The following PRUNE2 variants were observed in gnomAD, a reference collection of about 807,000 sequenced individuals.
The protein encoded by PRUNE2 is prune homolog 2 with BCH domain.
Under a neutral mutation model 252.0 loss-of-function variants are expected in PRUNE2, and 164 were observed. The observed-to-expected ratio is 0.65, with a 90% CI of 0.57 to 0.74. PRUNE2 has a LOEUF of 0.74. PRUNE2 is among the 30% of genes least tolerant of loss of function. PRUNE2 has a pLI of 0.00. For missense variants in PRUNE2, 3,495 were observed against 3,711.0 expected (o/e 0.94, Z 1.51); for synonymous variants, 1,292 against 1,350.2 (o/e 0.96, Z 0.94).
intron 1 of PRUNE2, among the ~76,000 whole-genome samples, chr9:76,876,028 T>A (rs1011993397): frequency 6.6e-6 from 1 of 152,282 alleles, no homozygotes; most frequent in Non-Finnish European, 1.5e-5. Flanking sequence ...CGCACAAACA[T>A]TTAAGAATCA....
intron 4 of PRUNE2, among the ~76,000 whole-genome samples, chr9:76,828,037 C>G (rs1027136835): frequency 1.3e-5 from 2 of 152,170 alleles, no homozygotes; most frequent in Non-Finnish European, 2.9e-5. Flanking sequence ...CCTCTTGAAG[C>G]TCACGGGAGA....
chr9:76,677,020 TA>T (rs2042712107), intron 9 of PRUNE2, among the ~76,000 whole-genome samples: 1 of 152,256 alleles, frequency 6.6e-6, no homozygotes, highest in Non-Finnish European at 1.5e-5. Context: ...GTGGGTATTT[TA>T]AAATAAATAA....
At chr9:76,713,425 TA>T in intron 7 of PRUNE2, 137 bp downstream of exon 7, 1 of 539,184 alleles carries the variant, frequency 1.9e-6, no homozygotes, top group Non-Finnish European at 3.0e-6. Context: ...CATCATTTCC[TA>T]AAACTCAAAC....
rs537137109 is a variant in PRUNE2 at position 76,787,956 on chromosome 9, C to G, written c.756+35676G>C. Among the ~76,000 whole-genome samples the G allele has an allele frequency of 8.9e-4, 136 of 152,328 alleles. 1 individual carries two copies. Among genetic ancestry groups the G allele is most frequent in the African/African-American group, 3.2e-3 (131 of 41,584 alleles). Reference sequence around the variant, plus strand: ...CTCCATGGTCACCAAGCGTTCCTTCCCACACATGGCCTCGGAACATTCCCT... The same window carrying G: ...CTCCATGGTCACCAAGCGTTCCTTCGCACACATGGCCTCGGAACATTCCCT... On this transcript the variant is annotated intron_variant, in intron 6 of 18. Coordinates refer to ENST00000376718, the MANE Select transcript of PRUNE2 (RefSeq NM_015225.3).
At chr9:76,693,460 T>TTTTTTTTTTGG in intron 9 of PRUNE2, among the ~76,000 whole-genome samples, 1 of 106,336 alleles carries the variant, frequency 9.4e-6, no homozygotes, top group Non-Finnish European at 2.0e-5. Context: ...TTTTTTTTTT[T>TTTTTTTTTTGG]GGAGACGGAG....
chr9:76,707,318 A>C lies in PRUNE2; in HGVS notation c.4956T>G (p.His1652Gln). Residue 1652 changes from histidine to glutamine, a missense_variant, in exon 8 of 19, where the codon CAT (histidine) becomes CAG (glutamine). Physicochemically the swap from His to Gln is conservative, Grantham distance 24. Coordinates refer to ENST00000376718, the MANE Select transcript of PRUNE2 (RefSeq NM_015225.3). ...TGKYSEHSGT[H>Q]QESNLIASYQ... ...AGCTAGCAATTAGATTGCTTTCCTG[A>C]TGTGTCCCTGAATGTTCAGAATATT... 6.2e-7 allele frequency: 1 copy of C among 1,613,896 alleles called. No homozygotes were observed. The highest frequency in any genetic ancestry group is 1.1e-5 in the South Asian group (1 of 91,064).
intron 6 of PRUNE2, among the ~76,000 whole-genome samples, chr9:76,765,951 G>C (rs2052324850): frequency 6.6e-6 from 1 of 152,124 alleles, no homozygotes; most frequent in Non-Finnish European, 1.5e-5. Flanking sequence ...GGGAGGCCAA[G>C]GCAGGCTGAT....
At chr9:76,661,769 A>C (rs1293186213) in intron 9 of PRUNE2, among the ~76,000 whole-genome samples, 1 of 152,240 alleles carries the variant, frequency 6.6e-6, no homozygotes, top group Non-Finnish European at 1.5e-5. Flanking sequence ...ACCTCTCAAG[A>C]ATTTATAAAT....
At chr9:76,802,210 T>C (rs150212129) in intron 6 of PRUNE2, among the ~76,000 whole-genome samples, 37 of 152,302 alleles carry the variant, frequency 2.4e-4, no homozygotes, top group Non-Finnish European at 1.5e-5. Context: ...TGCACATTAG[T>C]AACACACCAT....
chr9:76,805,708 G>A (rs2056888346), intron 6 of PRUNE2, among the ~76,000 whole-genome samples: 2 of 152,206 alleles, frequency 1.3e-5, no homozygotes, highest in Non-Finnish European at 2.9e-5. Context: ...TGTGTCCACA[G>A]CTGGCTAATT....
At chr9:76,870,443 T>C (rs1268554004) in intron 1 of PRUNE2, among the ~76,000 whole-genome samples, 1 of 151,766 alleles carries the variant, frequency 6.6e-6, no homozygotes, top group African/African-American at 2.4e-5. Context: ...CCCAGCACTT[T>C]GGGAGGCCGA....
rs374167303 is a variant in PRUNE2 at position 76,710,453 on chromosome 9, C to A, written c.1821G>T (p.Arg607Ser). The change falls in exon 8 of 19, where the codon AGG (arginine) becomes AGT (serine). Residue 607 changes from arginine to serine, a missense_variant. Transcript: ENST00000376718. Reference protein sequence around the residue: ...SPERLKNTGKRIPPTPMNSLV... With the variant: ...SPERLKNTGKSIPPTPMNSLV... Reference sequence around the variant, plus strand: ...AACTATTCATGGGTGTTGGTGGGATCCTCTTTCCAGTATTTTTTAGCCTTT... The same window carrying A: ...AACTATTCATGGGTGTTGGTGGGATACTCTTTCCAGTATTTTTTAGCCTTT... The A allele has an allele frequency of 1.2e-6, 2 of 1,613,830 alleles. No individual in the cohort carries two copies. Among genetic ancestry groups the A allele is most frequent in the Admixed American group, 1.7e-5 (1 of 59,990 alleles).
intron 9 of PRUNE2, among the ~76,000 whole-genome samples, chr9:76,658,051 A>T (rs1849885950): frequency 6.6e-6 from 1 of 152,268 alleles, no homozygotes; most frequent in East Asian, 1.9e-4. Flanking sequence ...AGATTCACAC[A>T]AACCCATGGA....
intron 1 of PRUNE2, among the ~76,000 whole-genome samples, chr9:76,858,769 A>G (rs545089594): frequency 1.1e-3 from 160 of 149,744 alleles, no homozygotes; most frequent in African/African-American, 3.5e-3. Flanking sequence ...AAAAAAAAAA[A>G]AAAGAAAGAA....
At chr9:76,699,901 G>A (rs1376936012) in intron 9 of PRUNE2, among the ~76,000 whole-genome samples, 1 of 152,174 alleles carries the variant, frequency 6.6e-6, no homozygotes, top group Admixed American at 6.5e-5. Context: ...CCCTGCAAAT[G>A]TTCTTTGTGA....
Position 76,619,330 on chromosome 9 carries a change from G to C in PRUNE2, c.9236+10C>G, listed in dbSNP as rs764592416. ...TAACCACATAGCTGTTATTGATGGTGAATTCTTACTCCTTCTCCATAGAAG... is the reference window on the plus strand; with the variant it reads ...TAACCACATAGCTGTTATTGATGGTCAATTCTTACTCCTTCTCCATAGAAG... On this transcript the variant is annotated intron_variant, in intron 18 of 18. Coordinates refer to ENST00000376718, the MANE Select transcript of PRUNE2 (RefSeq NM_015225.3). 14 of 1,580,214 alleles carry C rather than the reference G, an allele frequency of 8.9e-6. No individual in the cohort carries two copies. Among genetic ancestry groups the C allele is most frequent in the Admixed American group, 1.7e-5 (1 of 58,820 alleles).
At chr9:76,643,784 C>CT (rs1290882608) in intron 12 of PRUNE2, among the ~76,000 whole-genome samples, 1 of 152,190 alleles carries the variant, frequency 6.6e-6, no homozygotes, top group African/African-American at 2.4e-5. Context: ...GGTGAAAAAT[C>CT]TGCTGGCGGA....
At chr9:76,761,085 C>CAAAA (rs34127776) in intron 6 of PRUNE2, among the ~76,000 whole-genome samples, 2,090 of 93,442 alleles carry the variant, frequency 0.022, 55 homozygotes, top group Middle Eastern at 0.031. Flanking sequence ...GACTCTGTCT[C>CAAAA]AAAAAAAAAA....
At chr9:76,879,776 T>G (rs1236149629) in intron 1 of PRUNE2, among the ~76,000 whole-genome samples, 1 of 149,874 alleles carries the variant, frequency 6.7e-6, no homozygotes, top group East Asian at 2.0e-4. Flanking sequence ...GACCCTGAGG[T>G]GGAGGTATAT....
Sources: gnomAD v4.1 joint callset for allele counts (sites outside exome capture counted in the v4.1 genomes callset) on GRCh38, gnomAD v4.1.1 for gene constraint, MANE v1.5 for transcripts, NCBI Gene and HGNC (gene_info 2026-07-23, HGNC 2026-07-21) for gene names.